The following FKBP5 variants were observed in gnomAD, a reference collection of about 807,000 sequenced individuals.
The protein encoded by FKBP5 is peptidyl-prolyl cis-trans isomerase FKBP5.
A neutral mutation model predicts 50.5 loss-of-function variants in FKBP5; 23 were observed. The observed-to-expected ratio is 0.46, with a 90% CI of 0.33 to 0.65. The LOEUF is 0.65. Among genes scored for constraint, FKBP5 ranks in the 30% least tolerant of loss-of-function variants. The pLI is 0.02. For missense variants in FKBP5, 411 were observed against 553.1 expected (o/e 0.74, Z 2.58); for synonymous variants, 176 against 190.6 (o/e 0.92, Z 0.63).
rs147048411 is a variant in FKBP5, at chr6:35,717,423, G to A, written c.-20+2905C>T. Among the ~76,000 whole-genome samples the A allele has an allele frequency of 1.4e-3, 218 of 152,334 alleles. 1 individual carries two copies. Among genetic ancestry groups the A allele is most frequent in the African/African-American group, 4.4e-3 (184 of 41,572 alleles). ...GTGTGAGTGTGTGCTCCATGTGCAC[G>A]TGTGTTTGTGGGGCTACATGCCCAT... On this transcript the variant is annotated intron_variant, in intron 2 of 11. Transcript: ENST00000536438.
At chr6:35,682,570 T>C (rs1765697174) in intron 1 of FKBP5, among the ~76,000 whole-genome samples, 1 of 152,158 alleles carries the variant, frequency 6.6e-6, no homozygotes, top group African/African-American at 2.4e-5. Flanking sequence ...ATTTATAACA[T>C]CTTTAAATTG....
rs144290191 is a variant in FKBP5, at chr6:35,648,432, TG to T, written c.-19-5590del. ...TATAGACATGTGCCACCACACCTAA[TG>T]TTTTTTTTTTATTATTTTTTTCAGA... On this transcript the variant is annotated intron_variant, in intron 1 of 10. Transcript: ENST00000357266. 6.2e-3 allele frequency among the ~76,000 whole-genome samples: 939 copies of T among 151,850 alleles called. 5 individuals are homozygous for T. The highest frequency in any genetic ancestry group is 0.04 in the East Asian group (208 of 5,166).
chr6:35,652,217 C>T (rs1338605443), intron 1 of FKBP5, among the ~76,000 whole-genome samples: 4 of 152,082 alleles, frequency 2.6e-5, no homozygotes, highest in African/African-American at 4.8e-5. Context: ...TCTCAGGACC[C>T]TGTAATAATT....
intron 5 of FKBP5, among the ~76,000 whole-genome samples, chr6:35,605,244 T>TAC (rs1763271560): frequency 1.3e-5 from 2 of 152,008 alleles, no homozygotes; most frequent in African/African-American, 2.4e-5. Flanking sequence ...TATATATATA[T>TAC]ACCTCTTTAT....
chr6:35,714,550 C>T (rs1246286977), intron 2 of FKBP5, among the ~76,000 whole-genome samples: 2 of 148,100 alleles, frequency 1.4e-5, no homozygotes, highest in African/African-American at 5.0e-5. Flanking sequence ...GGTGTGGTGG[C>T]TCACGCCTGT....
chr6:35,684,416 A>T (rs915404932), intron 1 of FKBP5, among the ~76,000 whole-genome samples: 5 of 152,044 alleles, frequency 3.3e-5, no homozygotes, highest in African/African-American at 1.2e-4. Context: ...GGGCTCAAGC[A>T]ATCCACGTGC....
rs150820042 is a variant in FKBP5 at position 35,634,963 on chromosome 6, G to A, written c.250+2051C>T. Among the ~76,000 whole-genome samples the A allele has an allele frequency of 3.8e-3, 577 of 150,932 alleles. 4 individuals carry two copies. Among genetic ancestry groups the A allele is most frequent in the African/African-American group, 0.011 (454 of 40,792 alleles). On this transcript the variant is annotated intron_variant, in intron 3 of 10. Coordinates refer to ENST00000357266, the MANE Select transcript of FKBP5 (RefSeq NM_004117.4). Reference sequence around the variant, plus strand: ...CTAGCACTTTGGGAGGCTGAGGCGGGCAGATTGCTTGAGCCCAGGAGTTCA... The same window carrying A: ...CTAGCACTTTGGGAGGCTGAGGCGGACAGATTGCTTGAGCCCAGGAGTTCA...
intron 1 of FKBP5, among the ~76,000 whole-genome samples, chr6:35,688,552 C>T (rs1340646016): frequency 6.6e-6 from 1 of 151,148 alleles, no homozygotes; most frequent in Non-Finnish European, 1.5e-5. Flanking sequence ...CCGCGCCTCC[C>T]GCGGGGAGCA....
chr6:35,664,606 G>C (rs137977904), intron 1 of FKBP5: 3,700 of 154,118 alleles, frequency 0.024, 74 homozygotes, highest in Non-Finnish European at 0.036. Flanking sequence ...TTTCCTCTCT[G>C]CCTGGGCATT....
chr6:35,582,334 T>C (rs1762457400), intron 8 of FKBP5: 1 of 969,508 alleles, frequency 1.0e-6, no homozygotes, highest in Non-Finnish European at 1.2e-6. Context: ...CCTAAATTCC[T>C]ATGTTGAAGC....
At chr6:35,703,460 GGT>G (rs1391117254) in intron 2 of FKBP5, among the ~76,000 whole-genome samples, 1 of 151,978 alleles carries the variant, frequency 6.6e-6, no homozygotes, top group Non-Finnish European at 1.5e-5. Context: ...TGATACTCAA[GGT>G]GATTGATATC....
At position 35,582,732 on chromosome 6, in the gene FKBP5, CAAA is replaced by C. The variant is rs35705649; in HGVS notation, c.841-2514_841-2512del. 6.4e-6 allele frequency: 6 copies of C among 932,706 alleles called. No homozygotes were observed. The African/African-American group carries it at 1.1e-4, about 17-fold the overall frequency. 57.8% of individuals were successfully genotyped at this position (932,706 alleles called of 1,614,324 possible). Reference sequence around the variant, plus strand: ...CCTACCACTCCTTTTTTGGATGCTACAAAAAAAAAAGAATAAAGTCCTCACCAG... The same window carrying C: ...CCTACCACTCCTTTTTTGGATGCTACAAAAAAAGAATAAAGTCCTCACCAG... On this transcript the variant is annotated intron_variant, in intron 8 of 10. Transcript: ENST00000357266.
intron 1 of FKBP5, among the ~76,000 whole-genome samples, chr6:35,644,612 C>T (rs1395750835): frequency 1.3e-5 from 2 of 152,114 alleles, no homozygotes; most frequent in East Asian, 1.9e-4. Flanking sequence ...ATGTTTGGCT[C>T]AGGATAAGCG....
At chr6:35,605,960 A>T (rs1763301913) in intron 5 of FKBP5, among the ~76,000 whole-genome samples, 1 of 152,268 alleles carries the variant, frequency 6.6e-6, no homozygotes, top group South Asian at 2.1e-4. Flanking sequence ...GAAACTATAT[A>T]AATCCTAGAA....
chr6:35,630,337 T>C (rs1177669337), intron 3 of FKBP5, among the ~76,000 whole-genome samples: 2 of 152,032 alleles, frequency 1.3e-5, no homozygotes, highest in Non-Finnish European at 2.9e-5. Flanking sequence ...TCACGAGGTC[T>C]GGAGATTGAG....
At chr6:35,641,022 A>G (rs1477924109) in intron 2 of FKBP5, among the ~76,000 whole-genome samples, 1 of 152,174 alleles carries the variant, frequency 6.6e-6, no homozygotes, top group Non-Finnish European at 1.5e-5. Context: ...ACTCTCACCC[A>G]GGCTAGAATG....
chr6:35,701,721 T>G (rs1159509451), intron 2 of FKBP5, among the ~76,000 whole-genome samples: 1 of 152,050 alleles, frequency 6.6e-6, no homozygotes, highest in Non-Finnish European at 1.5e-5. Context: ...GTTTATTTTT[T>G]GTAGAGACAG....
At chr6:35,679,532 TA>T (rs1276901506) in intron 1 of FKBP5, among the ~76,000 whole-genome samples, 1 of 152,208 alleles carries the variant, frequency 6.6e-6, no homozygotes, top group African/African-American at 2.4e-5. Flanking sequence ...TTGAAAAATA[TA>T]TAAGTTAAAT....
intron 8 of FKBP5, chr6:35,585,924 T>A (rs142867235): frequency 6.1e-6 from 6 of 984,610 alleles, no homozygotes; most frequent in Non-Finnish European, 4.8e-6. Flanking sequence ...TCATTTGGAT[T>A]AACATTGCCA....
Sources: allele counts gnomAD v4.1 joint callset (sites outside exome capture counted in the v4.1 genomes callset), GRCh38; gene constraint gnomAD v4.1.1; transcripts MANE v1.5; gene names NCBI Gene and HGNC (gene_info 2026-07-23, HGNC 2026-07-21).